SMC1B: variants seen among roughly 807,000 people sequenced by gnomAD.
SMC1B encodes structural maintenance of chromosomes 1B.
SMC1B carries 60 observed loss-of-function variants against 157.9 expected under a neutral mutation model. That is an observed-to-expected ratio of 0.38 (90% confidence interval 0.31 to 0.47). The LOEUF is 0.47. Ranked by LOEUF, SMC1B falls within the 20% of genes least tolerant of loss-of-function variation. SMC1B has a pLI of 0.99. For synonymous variants in SMC1B, 445 were observed against 483.0 expected, an observed-to-expected ratio of 0.92 and a Z score of 1.03; for missense variants, 1,165 against 1,426.2, an observed-to-expected ratio of 0.82 and a Z score of 2.95.
intron 9 of SMC1B, 41 bp from the exon 10 acceptor site, chr22:45,389,938 A>G: frequency 6.8e-7 from 1 of 1,474,560 alleles, no homozygotes; most frequent in South Asian, 1.2e-5. Context: ...CAGATATATT[A>G]GAGTGAAATA....
intron 12 of SMC1B, among the ~76,000 whole-genome samples, chr22:45,375,116 A>C (rs930214248): frequency 4.7e-4 from 71 of 152,240 alleles, no homozygotes; most frequent in African/African-American, 1.6e-3. Flanking sequence ...TATTCTATTC[A>C]GAGTCCCCAC....
At chr22:45,362,793 AC>A in intron 16 of SMC1B, 91 bp downstream of exon 16, 2 of 1,041,592 alleles carry the variant, frequency 1.9e-6, no homozygotes, top group Non-Finnish European at 2.9e-6. Context: ...CCCTTCACTA[AC>A]AGGACCCTTC....
At chr22:45,406,691 A>G in intron 3 of SMC1B, 28 bp from the exon 4 acceptor site, 2 of 1,591,500 alleles carry the variant, frequency 1.3e-6, no homozygotes, top group Non-Finnish European at 1.7e-6. Flanking sequence ...GCACATCAAC[A>G]TATAAAATAT....
In SMC1B at chr22:45,383,526, C is replaced by T. The variant is rs201142966; in HGVS notation, c.1999G>A (p.Asp667Asn). The change falls in exon 12 of 25, where the codon GAT (aspartate) becomes AAT (asparagine). Residue 667 changes from aspartate (D) to asparagine (N), a missense_variant. Transcript: ENST00000357450. The stretch of plus-strand genomic sequence containing the variant: ...CTTAGATTCTTTAACTCTTTCTCAT[C>T]CCAGCATCTAGCCTTGTATTTTAAG... ...SDLKYKARCW[D>N]EKELKNLRDR... 7.5e-5 allele frequency: 121 copies of T among 1,610,522 alleles called. No homozygotes were observed. The African/African-American group carries it at 1.5e-3, about 20-fold the overall frequency.
chr22:45,353,986 T>C lies in SMC1B; in HGVS notation c.3265A>G (p.Ser1089Gly), dbSNP rs1320313094. 1.9e-6 allele frequency: 3 copies of C among 1,549,610 alleles called. No homozygotes were observed. The highest frequency in any genetic ancestry group is 2.6e-6 in the Non-Finnish European group (3 of 1,145,950). Reference sequence around the variant, plus strand: ...GGATGAAAGATACATACTTGGGCGCTGTTGTTTCTGCAGAGCTTCTTGTAG... The same window carrying C: ...GGATGAAAGATACATACTTGGGCGCCGTTGTTTCTGCAGAGCTTCTTGTAG... ...QIYKKLCRNN[S>G]AQAFLSPENP... Residue 1089 changes from serine to glycine, a missense_variant, in exon 21 of 25, where the codon AGC becomes GGC. Transcript: ENST00000357450.
At chr22:45,385,409 T>A (rs771897920) in intron 11 of SMC1B, among the ~76,000 whole-genome samples, 9 of 152,124 alleles carry the variant, frequency 5.9e-5, no homozygotes, top group Non-Finnish European at 1.3e-4. Flanking sequence ...TGCAGATGAT[T>A]CACCAGATGA....
chr22:45,386,774 G>T, intron 11 of SMC1B, 93 bp downstream of exon 11: 9 of 1,121,532 alleles, frequency 8.0e-6, no homozygotes, highest in Non-Finnish European at 1.1e-5. Flanking sequence ...CACATAAAAC[G>T]CATATGTAAA....
At chr22:45,397,964 G>C (rs1417860821) in intron 6 of SMC1B, among the ~76,000 whole-genome samples, 1 of 152,208 alleles carries the variant, frequency 6.6e-6, no homozygotes, top group Non-Finnish European at 1.5e-5. Flanking sequence ...TGGGTACACA[G>C]AAGGCTGAAA....
At chr22:45,394,322 C>G (rs910492199) in intron 8 of SMC1B, among the ~76,000 whole-genome samples, 2 of 149,440 alleles carry the variant, frequency 1.3e-5, no homozygotes, top group African/African-American at 4.9e-5. Flanking sequence ...GACCCTGTCT[C>G]AAAAAAAAAG....
chr22:45,367,482 C>G (rs1378467128), intron 15 of SMC1B, among the ~76,000 whole-genome samples: 2 of 152,196 alleles, frequency 1.3e-5, no homozygotes, highest in East Asian at 1.9e-4. Context: ...GAACCTACCT[C>G]TGTGTGGTGT....
At chr22:45,356,376 C>G (rs1474087924) in intron 19 of SMC1B, among the ~76,000 whole-genome samples, 1 of 152,182 alleles carries the variant, frequency 6.6e-6, no homozygotes, top group Admixed American at 6.5e-5. Flanking sequence ...GTAGGTAAAA[C>G]CTTTCTTCAA....
rs762902909 is a variant in SMC1B, at chr22:45,386,922, C to A, written c.1856G>T (p.Cys619Phe). 1.9e-5 allele frequency: 31 copies of A among 1,614,132 alleles called. No homozygotes were observed. The East Asian group carries it at 6.2e-4, about 32-fold the overall frequency. Residue 619 changes from cysteine to phenylalanine, a missense_variant, in exon 11 of 25, where the codon TGT becomes TTT. Transcript: ENST00000357450. Reference protein sequence around the residue: ...IQFVCGNGLVCETMEEARHIA... With the variant: ...IQFVCGNGLVFETMEEARHIA... ...ATGCCTTGCTTCTTCCATAGTCTCA[C>A]AAACAAGACCATTTCCACACACAAA...
chr22:45,366,570 T>C lies in SMC1B; in HGVS notation c.2420+3384A>G, dbSNP rs148358132. ...ATCAAAAAGACAGTGATCCCAAATA[T>C]GTATGCACCTAATAACAAGGCTTGA... On this transcript the variant is annotated intron_variant, in intron 15 of 24. Transcript: ENST00000357450. Among the ~76,000 whole-genome samples, 232 of 152,328 alleles carry C rather than the reference T, an allele frequency of 1.5e-3. 1 individual carries two copies. Among genetic ancestry groups the C allele is most frequent in the African/African-American group, 5.3e-3 (221 of 41,570 alleles).
rs1303493773 is a variant in SMC1B, at chr22:45,353,917, AAAAC to A, written c.3273+57_3273+60del. The A allele has an allele frequency of 5.5e-4, 475 of 857,678 alleles. 27 individuals are homozygous for A. Among genetic ancestry groups the A allele is most frequent in the East Asian group, 7.0e-4 (19 of 27,212 alleles). The allele number at this position is 857,678 out of a possible 1,614,324, so 53.1% of individuals were successfully genotyped here. On this transcript the variant is annotated intron_variant, in intron 21 of 24. Transcript: ENST00000357450. ...CCAAAAAAAAAAAAAAAAAAAAAAA[AAAAC>A]AACCACCACCGGTAACACAGAATTC...
At chr22:45,405,954 GTC>G in intron 4 of SMC1B, among the ~76,000 whole-genome samples, 1 of 152,244 alleles carries the variant, frequency 6.6e-6, no homozygotes, top group Non-Finnish European at 1.5e-5. Context: ...GTAAAACAAT[GTC>G]TCTCTTCTAA....
At position 45,358,792 on chromosome 22, in the gene SMC1B, C is replaced by T. The variant is rs558378476; in HGVS notation, c.2866G>A (p.Gly956Arg). The part of the protein sequence containing the change: ...SLDDIIEVEM[G>R]TEAESTQATI... Reference sequence around the variant, plus strand: ...GCCTGGGTACTTTCTGCTTCAGTTCCCATCTGAAAAATATGTGAACACATA... The same window carrying T: ...GCCTGGGTACTTTCTGCTTCAGTTCTCATCTGAAAAATATGTGAACACATA... Residue 956 changes from glycine (G) to arginine (R), a missense_variant, in exon 19 of 25, where the codon GGA (glycine) becomes AGA (arginine). By Grantham distance (125) the Gly-to-Arg change is moderately radical. Transcript: ENST00000357450. 13 of 1,609,388 alleles carry T rather than the reference C, an allele frequency of 8.1e-6. 1 individual carries two copies. In the African/African-American group the frequency reaches 1.7e-4, roughly 21 times the overall value.
At chr22:45,394,791 A>G in intron 7 of SMC1B, 24 bp from the exon 8 acceptor site, 1 of 1,498,904 alleles carries the variant, frequency 6.7e-7, no homozygotes, top group Non-Finnish European at 8.9e-7. Context: ...TAAAATCTAA[A>G]ATCAATTACG....
chr22:45,387,258 G>A (rs1239546943), intron 10 of SMC1B, among the ~76,000 whole-genome samples: 1 of 152,044 alleles, frequency 6.6e-6, no homozygotes, highest in African/African-American at 2.4e-5. Flanking sequence ...GACCAGCCTG[G>A]CCAACATGGT....
At chr22:45,396,310 A>C (rs777315253) in intron 7 of SMC1B, 36 bp downstream of exon 7, 42 of 1,559,642 alleles carry the variant, frequency 2.7e-5, no homozygotes, top group Non-Finnish European at 3.6e-5. Flanking sequence ...TTTCATTAAG[A>C]ATGATTCTAA....
Sources: gnomAD v4.1 joint callset for allele counts (sites outside exome capture counted in the v4.1 genomes callset) on GRCh38, gnomAD v4.1.1 for gene constraint, MANE v1.5 for transcripts, NCBI Gene and HGNC (gene_info 2026-07-23, HGNC 2026-07-21) for gene names.